The following CDYL2 variants were observed in gnomAD, a reference collection of about 807,000 sequenced individuals.
CDYL2 encodes the protein chromodomain Y like 2.
A neutral mutation model predicts 49.4 loss-of-function variants in CDYL2; 23 were observed. That is an observed-to-expected ratio of 0.47 (90% CI 0.34 to 0.66). The LOEUF (loss-of-function observed/expected upper bound fraction) is 0.66, where lower values mean the gene tolerates loss of function less well. Ranked by LOEUF, CDYL2 falls within the 30% of genes least tolerant of loss-of-function variation. The pLI is 0.01. For missense variants in CDYL2, 678 were observed against 656.4 expected (o/e 1.03, Z -0.36); for synonymous variants, 360 against 268.8 (o/e 1.34, Z -3.32).
chr16:80,736,261 G>C (rs1905524770), intron 1 of CDYL2: 1 of 152,232 alleles, frequency 6.6e-6, no homozygotes, highest in African/African-American at 2.4e-5. Context: ...GTTCTCATTT[G>C]TCTGTTCTCG....
chr16:80,624,497 G>C (rs1241926264), intron 3 of CDYL2, among the ~76,000 whole-genome samples: 1 of 152,100 alleles, frequency 6.6e-6, no homozygotes, highest in Non-Finnish European at 1.5e-5. Context: ...GAATGTAAAA[G>C]TACTCTGGGG....
intron 3 of CDYL2, among the ~76,000 whole-genome samples, chr16:80,630,088 A>G (rs909558278): frequency 5.3e-5 from 8 of 152,350 alleles, no homozygotes; most frequent in African/African-American, 1.9e-4. Context: ...CCTCTCACAC[A>G]GCCTCTTCAT....
chr16:80,672,910 C>T (rs1909588996), intron 2 of CDYL2, among the ~76,000 whole-genome samples: 1 of 152,196 alleles, frequency 6.6e-6, no homozygotes, highest in South Asian at 2.1e-4. Context: ...TAGGAAGGCT[C>T]ACGCTGGCTT....
At chr16:80,748,531 A>AAC in intron 1 of CDYL2, among the ~76,000 whole-genome samples, 1 of 143,922 alleles carries the variant, frequency 6.9e-6, no homozygotes, top group Non-Finnish European at 1.5e-5. Context: ...AAAAAAAAAA[A>AAC]AAAAAAAAAC....
chr16:80,632,209 T>G (rs1476715772), intron 3 of CDYL2, among the ~76,000 whole-genome samples: 2 of 152,246 alleles, frequency 1.3e-5, no homozygotes, highest in African/African-American at 4.8e-5. Flanking sequence ...ATATAGTCTA[T>G]TCATACAATG....
intron 3 of CDYL2, chr16:80,632,720 G>A (rs74028350): frequency 0.15 from 54,095 of 357,184 alleles, 5,273 homozygotes; most frequent in Admixed American, 0.32. Flanking sequence ...AGCCCAAGAT[G>A]TGATGTTTGG....
chr16:80,719,690 C>T (rs1371395910), intron 1 of CDYL2, among the ~76,000 whole-genome samples: 1 of 152,202 alleles, frequency 6.6e-6, no homozygotes, highest in African/African-American at 2.4e-5. Flanking sequence ...ACCCCTATGT[C>T]TTGTCCTCTC....
intron 1 of CDYL2, among the ~76,000 whole-genome samples, chr16:80,691,438 A>T (rs1225103888): frequency 6.6e-6 from 1 of 152,192 alleles, no homozygotes; most frequent in African/African-American, 2.4e-5. Flanking sequence ...TGGCTGTCAG[A>T]CCAAGAAGTT....
chr16:80,684,857 G>C lies in CDYL2; in HGVS notation c.297C>G (p.Ser99Arg). The C allele has an allele frequency of 6.2e-7, 1 of 1,614,136 alleles. No individual in the cohort carries two copies. Among genetic ancestry groups the C allele is most frequent in the East Asian group, 2.2e-5 (1 of 44,874 alleles). The stretch of plus-strand genomic sequence containing the variant: ...GCTTCCGTTTATGGGAGGTCCCCTT[G>C]CTCTTTCCAGGATCTGAAGGTCTGT... ...LSHRPSDPGK[S>R]KGTSHKRKRI... Residue 99 changes from serine (S) to arginine (R), a missense_variant, in exon 2 of 7, where the codon AGC (serine) becomes AGG (arginine). Transcript: ENST00000570137.
chr16:80,611,395 C>A (rs1906588033), intron 5 of CDYL2, among the ~76,000 whole-genome samples: 1 of 152,168 alleles, frequency 6.6e-6, no homozygotes, highest in African/African-American at 2.4e-5. Flanking sequence ...ATTAGCCCAT[C>A]AGAGCTGAAT....
In CDYL2 at chr16:80,612,387, T is replaced by C. The variant is rs1378842145; in HGVS notation, c.1218+239A>G. ...AATCCTAAGACACGCCTTCAGGGGGTTGGAGTGAGGAATAATTGAGACGCC... is the reference window on the plus strand; with the variant it reads ...AATCCTAAGACACGCCTTCAGGGGGCTGGAGTGAGGAATAATTGAGACGCC... On this transcript the variant is annotated intron_variant, in intron 5 of 6. Coordinates refer to ENST00000570137, the MANE Select transcript of CDYL2 (RefSeq NM_152342.4). This position sits in a 1 kb window ranked among gnomAD's most constrained non-coding sequence, Gnocchi z 5.0. Among the ~76,000 whole-genome samples the C allele has an allele frequency of 7.3e-5, 11 of 151,482 alleles. No homozygotes were observed. Among genetic ancestry groups the C allele is most frequent in the Non-Finnish European group, 1.3e-4 (9 of 67,844 alleles).
chr16:80,796,502 T>G (rs970934628), intron 1 of CDYL2, among the ~76,000 whole-genome samples: 13 of 152,304 alleles, frequency 8.5e-5, no homozygotes, highest in Admixed American at 7.8e-4. Context: ...TGAACAAAAT[T>G]TTTGTATGAC....
chr16:80,656,625 G>C (rs1184102573), intron 2 of CDYL2, among the ~76,000 whole-genome samples: 1 of 152,184 alleles, frequency 6.6e-6, no homozygotes, highest in Non-Finnish European at 1.5e-5. Context: ...GCGTACAAAG[G>C]AGTATTTCCC....
At chr16:80,792,686 A>T (rs1907647535) in intron 1 of CDYL2, among the ~76,000 whole-genome samples, 1 of 151,926 alleles carries the variant, frequency 6.6e-6, no homozygotes, top group Admixed American at 6.6e-5. Flanking sequence ...ATAACGTGAT[A>T]CTCCACCCAG....
At position 80,769,568 on chromosome 16, in the gene CDYL2, G is replaced by A. The variant is rs548111035; in HGVS notation, c.24+34582C>T. Among the ~76,000 whole-genome samples the A allele has an allele frequency of 5.9e-5, 9 of 152,258 alleles. No homozygotes were observed. The East Asian group carries it at 1.7e-3, about 29-fold the overall frequency. On this transcript the variant is annotated intron_variant, in intron 1 of 6. Transcript: ENST00000570137. ...ATTAGGCTGTCACCATGAACATAGG[G>A]AGGAACCTTCAGCAGACAATGTAAG...
At chr16:80,725,820 C>T (rs184938921) in intron 1 of CDYL2, among the ~76,000 whole-genome samples, 26 of 152,332 alleles carry the variant, frequency 1.7e-4, no homozygotes, top group African/African-American at 2.9e-4. Flanking sequence ...CTGAATTCTA[C>T]GACCCGGATG....
At chr16:80,704,768 CGTGA>C (rs565178595) in intron 1 of CDYL2, among the ~76,000 whole-genome samples, 2 of 152,152 alleles carry the variant, frequency 1.3e-5, no homozygotes, top group South Asian at 4.1e-4. Context: ...CAGTGGTCAG[CGTGA>C]GTAACAGAGA....
rs767809619 is a variant in CDYL2 at position 80,608,105 on chromosome 16, G to A, written c.1349C>T (p.Ser450Phe). The A allele has an allele frequency of 6.3e-7, 1 of 1,591,956 alleles. No homozygotes were observed. The highest frequency in any genetic ancestry group is 2.3e-5 in the East Asian group (1 of 43,938). ...EVMLRVKEMA[S>F]CSAVVLEESK... ...GCAGGAACTCACCACGGCACTGCAG[G>A]ATGCCATCTCCTTGACCCGCAGCAT... Residue 450 changes from serine to phenylalanine, a missense_variant, in exon 6 of 7, where the codon TCC becomes TTC. Around this residue, in one of 3 missense-constraint regions of CDYL2, gnomAD observed 153 missense variants for 150.6 expected, o/e 1.02. Transcript: ENST00000570137.
intron 4 of CDYL2, among the ~76,000 whole-genome samples, chr16:80,619,613 G>T (rs1906985696): frequency 6.6e-6 from 1 of 152,212 alleles, no homozygotes; most frequent in Non-Finnish European, 1.5e-5. Context: ...GCAGTAGTGA[G>T]AGGGCATAGC....
Sources: allele counts gnomAD v4.1 joint callset (sites outside exome capture counted in the v4.1 genomes callset), GRCh38; gene constraint gnomAD v4.1.1; regional missense constraint gnomAD v4.1.1; non-coding constraint Gnocchi (gnomAD v3.1); transcripts MANE v1.5; gene names NCBI Gene and HGNC (gene_info 2026-07-23, HGNC 2026-07-21).